Variants in DAGLB observed in about 807,000 individuals in gnomAD.
DAGLB encodes the protein diacylglycerol lipase-beta.
A neutral mutation model predicts 72.1 loss-of-function variants in DAGLB; 66 were observed. The observed-to-expected ratio is 0.92, with a 90% CI of 0.75 to 1.12. The LOEUF is 1.12. Among genes scored for constraint, DAGLB ranks in the 50% most tolerant of loss-of-function variants. DAGLB has a pLI of 0.00. For missense variants in DAGLB, 1,065 were observed against 884.9 expected, an observed-to-expected ratio of 1.20 and a Z score of -2.58; for synonymous variants, 414 against 359.5, an observed-to-expected ratio of 1.15 and a Z score of -1.71.
chr7:6,436,892 C>T (rs546945698), intron 2 of DAGLB, among the ~76,000 whole-genome samples: 2 of 152,078 alleles, frequency 1.3e-5, no homozygotes, highest in Admixed American at 1.3e-4. Flanking sequence ...CACACCTGTA[C>T]TCCCAGCACT....
chr7:6,446,323 A>G (rs1784998847), intron 1 of DAGLB, among the ~76,000 whole-genome samples: 1 of 150,638 alleles, frequency 6.6e-6, no homozygotes, highest in South Asian at 2.1e-4. Flanking sequence ...AAAAAAAAAA[A>G]AAAAAATAGC....
At position 6,410,138 on chromosome 7, in the gene DAGLB, G is replaced by T; in HGVS notation, c.1812C>A (p.Ala604=). The stretch of plus-strand genomic sequence containing the variant: ...CACCACGCCGCACTCACCGCCCCGA[G>T]GCGCCCTCCTCCTGCAGGTGGATGA... ...GRIIHLQEEG[A]SGRFGCCSAA... is the part of the protein sequence containing the mutation. The change falls in exon 14 of 15, where the codon GCC becomes GCA. Residue 604 remains alanine (A), a synonymous_variant. Coordinates refer to ENST00000297056, the MANE Select transcript of DAGLB (RefSeq NM_139179.4). 6.4e-7 allele frequency: 1 copy of T among 1,573,676 alleles called. No homozygotes were observed. The highest frequency in any genetic ancestry group is 8.6e-7 in the Non-Finnish European group (1 of 1,156,820).
At chr7:6,424,015 G>A (rs1428812552) in intron 8 of DAGLB, among the ~76,000 whole-genome samples, 1 of 152,120 alleles carries the variant, frequency 6.6e-6, no homozygotes, top group Non-Finnish European at 1.5e-5. Flanking sequence ...GCAAGTTTGG[G>A]GTCCTGGCCC....
In DAGLB at chr7:6,446,042, G is replaced by A; in HGVS notation, c.158C>T (p.Ala53Val). The A allele has an allele frequency of 6.2e-7, 1 of 1,613,588 alleles. No homozygotes were observed. Among genetic ancestry groups the A allele is most frequent in the Non-Finnish European group, 8.5e-7 (1 of 1,179,868 alleles). Residue 53 changes from alanine (A) to valine (V), a missense_variant, in exon 2 of 15, where the codon GCC becomes GTC. Transcript: ENST00000297056. ...HRGKLDCAGG[A>V]LLSSYLIVLM... ...GACGATCAAGTAACTGCTGAGCAAG[G>A]CTCCACCAGCACAGTCCAGCTTTCC...
chr7:6,421,307 TCAG>T lies in DAGLB; in HGVS notation c.1218+417_1218+419del, dbSNP rs1448606701. 2.5e-5 allele frequency among the ~76,000 whole-genome samples: 3 copies of T among 118,948 alleles called. No individual in the cohort carries two copies. The South Asian group carries it at 8.6e-4, about 34-fold the overall frequency. 78.0% of individuals were successfully genotyped at this position (118,948 alleles called of 152,430 possible). A position where few individuals can be genotyped will look rare whatever the true frequency, so the allele number is the denominator to read the frequency against. On this transcript the variant is annotated intron_variant, in intron 9 of 14. Transcript: ENST00000297056. Reference sequence around the variant, plus strand: ...CAGCCTCCCAGGGCTGCTGTGAGAATCAGGCAGCGCGGGAGGCGCAGGCAGCGC... The same window carrying T: ...CAGCCTCCCAGGGCTGCTGTGAGAATGCAGCGCGGGAGGCGCAGGCAGCGC...
chr7:6,413,538 G>A (rs1380088270), intron 11 of DAGLB, among the ~76,000 whole-genome samples: 1 of 152,066 alleles, frequency 6.6e-6, no homozygotes, highest in African/African-American at 2.4e-5. Flanking sequence ...GCTGAGGTAG[G>A]AGAATGGCAT....
At chr7:6,438,473 G>A (rs1302621905) in intron 2 of DAGLB, among the ~76,000 whole-genome samples, 2 of 152,068 alleles carry the variant, frequency 1.3e-5, no homozygotes, top group African/African-American at 4.8e-5. Flanking sequence ...CTCTGAGGGG[G>A]AAAGGGTGCA....
At chr7:6,433,013 G>A (rs1055463718) in intron 4 of DAGLB, 54 bp from the exon 5 acceptor site, 14 of 1,583,140 alleles carry the variant, frequency 8.8e-6, no homozygotes, top group African/African-American at 5.4e-5. Flanking sequence ...ACCACCCCCG[G>A]GTTCCCTAAA....
In DAGLB at chr7:6,416,679, C is replaced by T. The variant is rs1415623635; in HGVS notation, c.1375G>A (p.Ala459Thr). 10 of 1,613,530 alleles carry T rather than the reference C, an allele frequency of 6.2e-6. No individual in the cohort carries two copies. The highest frequency in any genetic ancestry group is 1.6e-4 in the Middle Eastern group (1 of 6,076). The change falls in exon 11 of 15, where the codon GCC becomes ACC. Residue 459 changes from alanine to threonine, a missense_variant. Ala to Thr is a moderately conservative substitution (Grantham distance 58). Transcript: ENST00000297056. ...AALLATMLRA[A>T]YPQVRCYAFS... ...GCGTAGCACCTGACCTGCGGGTAGG[C>T]GGCTCTGAGCATGGTGGCCAGCAGG... is the stretch of plus-strand genomic sequence containing the variant.
At chr7:6,438,483 A>G (rs975823681) in intron 2 of DAGLB, among the ~76,000 whole-genome samples, 1 of 152,064 alleles carries the variant, frequency 6.6e-6, no homozygotes, top group Admixed American at 6.6e-5. Context: ...GAAAGGGTGC[A>G]GGTATGTGGA....
intron 8 of DAGLB, chr7:6,422,499 G>C (rs1010246453): frequency 6.4e-6 from 1 of 157,330 alleles, no homozygotes; most frequent in East Asian, 1.9e-4. Context: ...GCTGGGTAAA[G>C]CACCCAGAGC....
chr7:6,436,314 C>G lies in DAGLB; in HGVS notation c.419+48G>C, dbSNP rs187441054. ...TGTCATGTTAGAAGGGTTTGTTCAC[C>G]TATGCCTCAAATCCACTGAAACTCA... On this transcript the variant is annotated intron_variant, in intron 3 of 14. Coordinates refer to ENST00000297056, the MANE Select transcript of DAGLB (RefSeq NM_139179.4). The G allele has an allele frequency of 1.6e-3, 2,485 of 1,571,736 alleles. 3 individuals are homozygous for G. The highest frequency in any genetic ancestry group is 2.0e-3 in the Non-Finnish European group (2,359 of 1,161,448).
chr7:6,410,916 A>C (rs1277677729), intron 13 of DAGLB, among the ~76,000 whole-genome samples: 1 of 115,986 alleles, frequency 8.6e-6, no homozygotes, highest in East Asian at 2.5e-4. Context: ...ACGGAGTCTC[A>C]CTCTGTTGCC....
At chr7:6,438,271 A>T (rs1784725789) in intron 2 of DAGLB, among the ~76,000 whole-genome samples, 1 of 152,152 alleles carries the variant, frequency 6.6e-6, no homozygotes, top group South Asian at 2.1e-4. Flanking sequence ...TAACGGGTGC[A>T]GCACACCAAC....
At chr7:6,446,348 C>T (rs991316132) in intron 1 of DAGLB, among the ~76,000 whole-genome samples, 2 of 149,336 alleles carry the variant, frequency 1.3e-5, no homozygotes, top group African/African-American at 2.5e-5. Context: ...CGTAGTGGTG[C>T]GCACCTGTAG....
chr7:6,413,854 G>A (rs1005862093), intron 11 of DAGLB, among the ~76,000 whole-genome samples: 7 of 152,144 alleles, frequency 4.6e-5, no homozygotes, highest in Non-Finnish European at 4.4e-5. Context: ...CAGGACATGC[G>A]GTGAAAGTGA....
Position 6,435,149 on chromosome 7 carries a change from C to T in DAGLB, c.420-129G>A, listed in dbSNP as rs1395763069. 8 of 1,377,960 alleles carry T rather than the reference C, an allele frequency of 5.8e-6. No individual in the cohort carries two copies. In the East Asian group the frequency reaches 1.6e-4, roughly 28 times the overall value. The allele number at this position is 1,377,960 out of a possible 1,614,324, so 85.4% of individuals were successfully genotyped here. A position where few individuals can be genotyped will look rare whatever the true frequency, so the allele number is the denominator to read the frequency against. ...GAGGGTTCTGTTACCGAGGAAGATG[C>T]AGCTCTCCTGGAACCTGCCTGAGGC... On this transcript the variant is annotated intron_variant, in intron 3 of 14. Transcript: ENST00000297056.
chr7:6,434,702 T>A, intron 4 of DAGLB, 60 bp downstream of exon 4: 1 of 1,603,744 alleles, frequency 6.2e-7, no homozygotes. Context: ...AGGGACCGGC[T>A]CCATCAGAAG....
rs1784990146 is a variant in DAGLB, at chr7:6,446,082, A to G, written c.118T>C (p.Tyr40His). 3 of 1,592,508 alleles carry G rather than the reference A, an allele frequency of 1.9e-6. No individual in the cohort carries two copies. The highest frequency in any genetic ancestry group is 1.7e-6 in the Non-Finnish European group (2 of 1,173,418). Reference protein sequence around the residue: ...VLWWIGILTLYLMHRGKLDCA... With the variant: ...VLWWIGILTLHLMHRGKLDCA... ...TCCAGCTTTCCTCTGTGCATGAGAT[A>G]CAACGTCAGAATGCCAATCCACCTG... is the stretch of plus-strand genomic sequence containing the variant. Residue 40 changes from tyrosine (Y) to histidine (H), a missense_variant, in exon 2 of 15, where the codon TAT (tyrosine) becomes CAT (histidine). Physicochemically the swap from Tyr to His is moderately conservative, Grantham distance 83 (BLOSUM62 2). Transcript: ENST00000297056.
Sources: gnomAD v4.1 joint callset for allele counts (sites outside exome capture counted in the v4.1 genomes callset) on GRCh38, gnomAD v4.1.1 for gene constraint, MANE v1.5 for transcripts, NCBI Gene and HGNC (gene_info 2026-07-23, HGNC 2026-07-21) for gene names.